Variants in ZNF30 observed in about 807,000 individuals in gnomAD.
ZNF30 encodes zinc finger protein 30.
In ZNF30, 15 loss-of-function variants were observed where a neutral mutation model predicts 13.2. The ratio of observed to expected loss-of-function variants is 1.13; its 90% confidence interval spans 0.76 to 1.75. The LOEUF (loss-of-function observed/expected upper bound fraction) is 1.75. Ranked by LOEUF, ZNF30 falls within the 40% of genes most tolerant of loss-of-function variation. ZNF30 has a pLI of 0.00. For synonymous variants in ZNF30, 223 were observed against 256.6 expected (o/e 0.87, Z 1.25); for missense variants, 726 against 757.0 (o/e 0.96, Z 0.48).
rs145332394 is a variant in ZNF30, at chr19:34,944,891, A to G, written c.*53A>G. The G allele has an allele frequency of 9.1e-5, 134 of 1,479,354 alleles. No individual in the cohort carries two copies. In the African/African-American group the frequency reaches 1.7e-3, roughly 19 times the overall value. 91.6% of individuals were successfully genotyped at this position (1,479,354 alleles called of 1,614,324 possible). A position where few individuals can be genotyped will look rare whatever the true frequency, so the allele number is the denominator to read the frequency against. On this transcript the variant is annotated 3_prime_UTR_variant, in exon 5 of 5. Coordinates refer to ENST00000601142, the MANE Select transcript of ZNF30 (RefSeq NM_194325.3). ...GTGTGTGGCTCAAACATTGTTGAAC[A>G]TCGGGGAATTTATGCTGGTAGGAAA...
At chr19:34,931,459 T>C (rs2012448382) in intron 2 of ZNF30, among the ~76,000 whole-genome samples, 1 of 152,206 alleles carries the variant, frequency 6.6e-6, no homozygotes, top group Non-Finnish European at 1.5e-5. Context: ...CTAAGACAGA[T>C]TTTATTCTAC....
chr19:34,925,486 C>T (rs1000138655), upstream of ZNF30, among the ~76,000 whole-genome samples: 10 of 152,206 alleles, frequency 6.6e-5, no homozygotes, highest in Non-Finnish European at 1.3e-4. Context: ...GGCCTGCCCG[C>T]GTGCCAGCGT....
intron 2 of ZNF30, 81 bp downstream of exon 2, chr19:34,930,037 A>T: frequency 7.3e-7 from 1 of 1,360,924 alleles, no homozygotes; most frequent in Non-Finnish European, 1.0e-6. Context: ...AGCATTCTTC[A>T]TCAGAATGTA....
intron 4 of ZNF30, 99 bp downstream of exon 4, chr19:34,933,822 C>A: frequency 2.4e-6 from 2 of 838,704 alleles, no homozygotes; most frequent in South Asian, 1.6e-5. Context: ...GGTTTCCCTT[C>A]AAAGCCCTAG....
intron 4 of ZNF30, among the ~76,000 whole-genome samples, chr19:34,942,247 A>G (rs888402164): frequency 2.0e-5 from 3 of 152,146 alleles, no homozygotes; most frequent in Non-Finnish European, 2.9e-5. Context: ...ATTGGAGACC[A>G]GCCTGGGCAA....
chr19:34,932,032 C>T (rs770012236), intron 3 of ZNF30, 39 bp downstream of exon 3: 16 of 1,511,580 alleles, frequency 1.1e-5, no homozygotes, highest in Non-Finnish European at 1.4e-5. Context: ...AATCTGCTCC[C>T]TGTTATACTT....
At chr19:34,933,493 C>G in intron 3 of ZNF30, 135 bp from the exon 4 acceptor site, 1 of 557,368 alleles carries the variant, frequency 1.8e-6, no homozygotes, top group South Asian at 1.9e-5. Context: ...AATTATGAAT[C>G]CCCTTGCCCT....
chr19:34,926,206 G>A (rs951439934), upstream of ZNF30, among the ~76,000 whole-genome samples: 1 of 152,170 alleles, frequency 6.6e-6, no homozygotes, highest in Admixed American at 6.6e-5. Flanking sequence ...AACAAAAAGC[G>A]GAGCTGACAG....
chr19:34,925,779 G>A (rs1038811513), upstream of ZNF30, among the ~76,000 whole-genome samples: 3 of 151,994 alleles, frequency 2.0e-5, no homozygotes, highest in African/African-American at 7.3e-5. Context: ...TCATTTAAAG[G>A]GACCCCGCCC....
chr19:34,939,685 G>A (rs2012937992), intron 4 of ZNF30, among the ~76,000 whole-genome samples: 2 of 152,188 alleles, frequency 1.3e-5, no homozygotes, highest in Admixed American at 6.5e-5. Context: ...TCAAAGGTGT[G>A]CAGGTTTTCG....
At chr19:34,931,333 C>A (rs1349829646) in intron 2 of ZNF30, among the ~76,000 whole-genome samples, 1 of 152,132 alleles carries the variant, frequency 6.6e-6, no homozygotes. Flanking sequence ...CACAAGATAA[C>A]TTTTATGTCA....
chr19:34,941,352 C>T (rs1421240177), intron 4 of ZNF30, among the ~76,000 whole-genome samples: 3 of 152,182 alleles, frequency 2.0e-5, no homozygotes, highest in Admixed American at 6.5e-5. Context: ...GCAGCCTCTG[C>T]CTCCCAGGTT....
intron 2 of ZNF30, 27 bp downstream of exon 2, chr19:34,929,983 T>C: frequency 6.3e-7 from 1 of 1,597,622 alleles, no homozygotes; most frequent in Non-Finnish European, 8.5e-7. Flanking sequence ...TCTTGAAATA[T>C]GGGGATTTTT....
Position 34,926,915 on chromosome 19 carries a change from G to C in ZNF30, c.-366G>C. On this transcript the variant is annotated 5_prime_UTR_variant, in exon 1 of 5. Transcript: ENST00000601142. ...GCCGGTGGGCGGCCTTGTGGACTGC[G>C]CCGGGCATGCTCGGCGGTGTGACGG... 1 of 398,318 alleles carries C rather than the reference G, an allele frequency of 2.5e-6. No homozygotes were observed. The highest frequency in any genetic ancestry group is 4.4e-6 in the Non-Finnish European group (1 of 225,888). The allele number at this position is 398,318 out of a possible 1,614,324, so 24.7% of individuals were successfully genotyped here.
intron 4 of ZNF30, among the ~76,000 whole-genome samples, chr19:34,934,260 G>GTTTGC (rs1385733272): frequency 6.6e-6 from 1 of 152,078 alleles, no homozygotes; most frequent in Non-Finnish European, 1.5e-5. Flanking sequence ...ATTTGAATTT[G>GTTTGC]TTTGTTTTGT....
rs143412346 is a variant in ZNF30, at chr19:34,935,884, T to G, written c.256+2161T>G. Among the ~76,000 whole-genome samples, 1,366 of 152,250 alleles carry G rather than the reference T, an allele frequency of 9.0e-3. 33 individuals are homozygous for G. In the South Asian group the frequency reaches 0.099, roughly 11 times the overall value. On this transcript the variant is annotated intron_variant, in intron 4 of 4. Transcript: ENST00000601142. ...ATAAAGAAAAAGAGGTTTAATGGAC[T>G]CACAGTTCCATGTGGCTGAGGAGGC...
chr19:34,935,960 A>T (rs1600224773), intron 4 of ZNF30, among the ~76,000 whole-genome samples: 2 of 147,290 alleles, frequency 1.4e-5, no homozygotes, highest in East Asian at 2.1e-4. Context: ...GCAGCAGACA[A>T]GAGAGAATGA....
At chr19:34,935,700 GTTTTT>G (rs142285130) in intron 4 of ZNF30, among the ~76,000 whole-genome samples, 135 of 84,208 alleles carry the variant, frequency 1.6e-3, no homozygotes, top group African/African-American at 3.6e-3. Context: ...GTTGTCTATA[GTTTTT>G]TTTTTTTTTT....
At chr19:34,937,177 A>C (rs776235416) in intron 4 of ZNF30, among the ~76,000 whole-genome samples, 1 of 151,788 alleles carries the variant, frequency 6.6e-6, no homozygotes, top group East Asian at 2.0e-4. Flanking sequence ...ATGCCTGACT[A>C]ATTTTTTATA....
Sources: allele counts gnomAD v4.1 joint callset (sites outside exome capture counted in the v4.1 genomes callset), GRCh38; gene constraint gnomAD v4.1.1; transcripts MANE v1.5; gene names NCBI Gene and HGNC (gene_info 2026-07-23, HGNC 2026-07-21).